Variants in MIB1 observed in about 807,000 individuals in gnomAD.
MIB1 encodes MIB E3 ubiquitin protein ligase 1.
Under a neutral mutation model 124.5 loss-of-function variants are expected in MIB1, and 278 were observed. That is an observed-to-expected ratio of 2.23 (90% CI 2.02 to 2.47). The LOEUF is 2.47. Ranked by LOEUF, MIB1 falls within the 30% of genes most tolerant of loss-of-function variation. The pLI, the probability that MIB1 is intolerant of heterozygous loss-of-function variation, is 0.00. For synonymous variants in MIB1, 446 were observed against 429.4 expected (o/e 1.04, Z -0.48); for missense variants, 957 against 1,254.4 (o/e 0.76, Z 3.58).
At chr18:21,759,253 A>T (rs907403216) in intron 1 of MIB1, among the ~76,000 whole-genome samples, 12 of 151,006 alleles carry the variant, frequency 7.9e-5, no homozygotes, top group East Asian at 1.9e-4. Flanking sequence ...GTATATATAT[A>T]TTTTTTTGAG....
At position 21,853,134 on chromosome 18, in the gene MIB1, C is replaced by T. The variant is rs752931783; in HGVS notation, c.2587-6C>T. The T allele has an allele frequency of 1.2e-6, 2 of 1,605,788 alleles. No individual in the cohort carries two copies. Among genetic ancestry groups the T allele is most frequent in the Non-Finnish European group, 1.7e-6 (2 of 1,173,092 alleles). On this transcript the variant is annotated splice_polypyrimidine_tract_variant and splice_region_variant and intron_variant, in intron 17 of 20. Coordinates refer to ENST00000261537, the MANE Select transcript of MIB1 (RefSeq NM_020774.4). ...GGTCACTGTGCTGTAACCTCTTTTT[C>T]TATAGATTGAAGAATGTGTGGTATG... is the stretch of plus-strand genomic sequence containing the variant.
chr18:21,830,161 C>T, intron 12 of MIB1, among the ~76,000 whole-genome samples: 1 of 106,736 alleles, frequency 9.4e-6, no homozygotes, highest in Non-Finnish European at 2.5e-5. Context: ...GCAGTTTCAG[C>T]AATGCAGCAT....
chr18:21,741,829 T>A lies in MIB1; in HGVS notation c.229+17T>A. 1 of 1,567,152 alleles carries A rather than the reference T, an allele frequency of 6.4e-7. No homozygotes were observed. The highest frequency in any genetic ancestry group is 8.6e-7 in the Non-Finnish European group (1 of 1,156,278). ...CGCCCACCGGTAAGCCGCGGCCACCTGGCCAGGGCTTGCGCGCGCGGGGGG... is the reference window on the plus strand; with the variant it reads ...CGCCCACCGGTAAGCCGCGGCCACCAGGCCAGGGCTTGCGCGCGCGGGGGG... On this transcript the variant is annotated intron_variant, in intron 1 of 20. Transcript: ENST00000261537. The surrounding 1 kb of genome is among the most constrained non-coding windows in gnomAD (Gnocchi z 5.4).
At chr18:21,753,388 A>C (rs1197329584) in intron 1 of MIB1, among the ~76,000 whole-genome samples, 2 of 151,976 alleles carry the variant, frequency 1.3e-5, no homozygotes, top group Non-Finnish European at 1.5e-5. Context: ...GGGTTTCACC[A>C]TGTTGGCCAG....
At position 21,846,941 on chromosome 18, in the gene MIB1, C is replaced by T. The variant is rs372640067; in HGVS notation, c.2212-3C>T. On this transcript the variant is annotated splice_polypyrimidine_tract_variant and splice_region_variant and intron_variant, in intron 15 of 20. Coordinates refer to ENST00000261537, the MANE Select transcript of MIB1 (RefSeq NM_020774.4). ...AAAATCATGACTCTTTATTTTATTGCAGTTAATAATGGGACTTGGTACCCA... is the reference window on the plus strand; with the variant it reads ...AAAATCATGACTCTTTATTTTATTGTAGTTAATAATGGGACTTGGTACCCA... 1.2e-6 allele frequency: 2 copies of T among 1,611,526 alleles called. No individual in the cohort carries two copies. Among genetic ancestry groups the T allele is most frequent in the African/African-American group, 1.3e-5 (1 of 74,874 alleles).
At chr18:21,712,447 T>C (rs937354341) in intron 1 of MIB1, among the ~76,000 whole-genome samples, 2 of 152,156 alleles carry the variant, frequency 1.3e-5, no homozygotes, top group Non-Finnish European at 2.9e-5. Context: ...TATATAAGAC[T>C]CCTTAGCAGA....
intron 12 of MIB1, among the ~76,000 whole-genome samples, chr18:21,837,161 GGCTCTGTAA>G (rs1173770286): frequency 6.6e-6 from 1 of 152,076 alleles, no homozygotes; most frequent in Non-Finnish European, 1.5e-5. Context: ...CCATGGAAGG[GGCTCTGTAA>G]GCTGTGATTC....
chr18:21,768,939 T>C (rs946353497), intron 3 of MIB1, among the ~76,000 whole-genome samples, 187 bp downstream of exon 3: 1 of 152,224 alleles, frequency 6.6e-6, no homozygotes, highest in African/African-American at 2.4e-5. Context: ...TTGATGTTCC[T>C]TAGAGGGTCA....
chr18:21,745,376 C>T (rs2040899851), intron 1 of MIB1, among the ~76,000 whole-genome samples: 1 of 152,172 alleles, frequency 6.6e-6, no homozygotes, highest in Non-Finnish European at 1.5e-5. Flanking sequence ...GGCCTCTACC[C>T]ATTAGCAGCA....
chr18:21,738,942 A>G (rs1241673770), upstream of MIB1, among the ~76,000 whole-genome samples: 2 of 150,940 alleles, frequency 1.3e-5, no homozygotes, highest in African/African-American at 4.8e-5. Context: ...AGATCAGAGC[A>G]GAACTGAAGG....
chr18:21,775,327 A>C (rs1248778754), intron 4 of MIB1, among the ~76,000 whole-genome samples: 1 of 151,026 alleles, frequency 6.6e-6, no homozygotes, highest in African/African-American at 2.4e-5. Flanking sequence ...GAAGTCCTGA[A>C]CTCCTGGGCT....
intron 4 of MIB1, among the ~76,000 whole-genome samples, chr18:21,774,316 C>T (rs764488299): frequency 3.9e-5 from 6 of 152,142 alleles, no homozygotes; most frequent in South Asian, 2.1e-4. Flanking sequence ...TGGCTGGGCA[C>T]GGTGGCTCAC....
Position 21,741,918 on chromosome 18 carries a change from G to C in MIB1, c.229+106G>C, listed in dbSNP as rs2040858030. ...AGGTCTGCAGTGGGACACCTGGTGG[G>C]CAGCGCCCGGCTGGAGCGAGCGGAA... On this transcript the variant is annotated intron_variant, in intron 1 of 20. Transcript: ENST00000261537. The surrounding 1 kb of genome is among the most constrained non-coding windows in gnomAD (Gnocchi z 5.4). The C allele has an allele frequency of 1.4e-5, 14 of 990,048 alleles. No homozygotes were observed. Among genetic ancestry groups the C allele is most frequent in the Non-Finnish European group, 1.9e-5 (13 of 697,216 alleles). 61.3% of individuals were successfully genotyped at this position (990,048 alleles called of 1,614,324 possible).
intron 1 of MIB1, among the ~76,000 whole-genome samples, chr18:21,719,941 A>G (rs1337230293): frequency 2.6e-5 from 4 of 152,220 alleles, no homozygotes; most frequent in Non-Finnish European, 4.4e-5. Flanking sequence ...ATGTATACAC[A>G]TTTATACTAG....
chr18:21,838,323 CAAAT>C (rs761415817), intron 12 of MIB1, 38 bp from the exon 13 acceptor site: 49 of 1,422,178 alleles, frequency 3.4e-5, no homozygotes, highest in Non-Finnish European at 4.6e-5. Context: ...TTGAGTATAT[CAAAT>C]TATGCAAATA....
chr18:21,759,567 A>G (rs1385460371), intron 1 of MIB1, among the ~76,000 whole-genome samples: 1 of 152,190 alleles, frequency 6.6e-6, no homozygotes, highest in Non-Finnish European at 1.5e-5. Context: ...AAAAAAATTC[A>G]GCATTATGGT....
chr18:21,791,229 G>T, intron 6 of MIB1, 145 bp from the exon 7 acceptor site: 17 of 514,834 alleles, frequency 3.3e-5, no homozygotes, highest in Middle Eastern at 5.1e-4. Flanking sequence ...CAATATATAT[G>T]TATTTGTGTA....
chr18:21,798,741 G>A (rs765001353), intron 8 of MIB1, among the ~76,000 whole-genome samples: 5 of 151,954 alleles, frequency 3.3e-5, no homozygotes, highest in African/African-American at 2.4e-5. Context: ...GAACATCCTG[G>A]ATGCTTGAGT....
At chr18:21,708,137 C>T (rs112146861) in intron 1 of MIB1, among the ~76,000 whole-genome samples, 15 of 152,192 alleles carry the variant, frequency 9.9e-5, no homozygotes, top group African/African-American at 1.7e-4. Context: ...AAGGTGGAGG[C>T]GGGGGATACA....
Sources: allele counts gnomAD v4.1 joint callset (sites outside exome capture counted in the v4.1 genomes callset), GRCh38; gene constraint gnomAD v4.1.1; non-coding constraint Gnocchi (gnomAD v3.1); transcripts MANE v1.5; gene names NCBI Gene and HGNC (gene_info 2026-07-23, HGNC 2026-07-21).